The following ARMC9 variants were observed in gnomAD, a reference collection of about 807,000 sequenced individuals.
ARMC9 encodes armadillo repeat containing 9.
In ARMC9, 94 loss-of-function variants were observed where a neutral mutation model predicts 107.0. The observed-to-expected ratio is 0.88, with a 90% confidence interval of 0.74 to 1.04. The LOEUF (loss-of-function observed/expected upper bound fraction) is 1.04. Ranked by LOEUF, ARMC9 falls within the 50% of genes least tolerant of loss-of-function variation. The pLI is 0.00. For missense variants in ARMC9, 942 were observed against 1,030.1 expected (o/e 0.91, Z 1.17); for synonymous variants, 380 against 396.9 (o/e 0.96, Z 0.51).
intron 9 of ARMC9, chr2:231,256,234 A>G (rs1313605002): frequency 3.9e-6 from 6 of 1,536,774 alleles, no homozygotes; most frequent in Non-Finnish European, 4.4e-6. Flanking sequence ...TCCGCAATGT[A>G]AAAGGCCCCG....
intron 14 of ARMC9, among the ~76,000 whole-genome samples, chr2:231,275,036 A>G (rs1037105844): frequency 1.3e-5 from 2 of 152,302 alleles, no homozygotes; most frequent in Admixed American, 1.3e-4. Context: ...GGTGAAAAAA[A>G]TACTTCCTCC....
At chr2:231,199,003 C>T (rs2030247116) in intron 1 of ARMC9, 1 of 152,178 alleles carries the variant, frequency 6.6e-6, no homozygotes, top group Admixed American at 6.5e-5. Flanking sequence ...TCAAGCCATC[C>T]AGCTGGTGGT....
chr2:231,340,256 CAT>C (rs1225201724), intron 20 of ARMC9, among the ~76,000 whole-genome samples: 3 of 152,170 alleles, frequency 2.0e-5, no homozygotes, highest in African/African-American at 4.8e-5. Flanking sequence ...GCTCTGACAA[CAT>C]GTGGTTTTTT....
chr2:231,347,050 A>G (rs7608546), intron 21 of ARMC9, among the ~76,000 whole-genome samples: 12,321 of 152,220 alleles, frequency 0.081, 1,475 homozygotes, highest in African/African-American at 0.26. Context: ...TCTAATAAAT[A>G]TGGGGCTAAC....
At chr2:231,310,471 C>A (rs1009572024) in intron 19 of ARMC9, among the ~76,000 whole-genome samples, 2 of 149,606 alleles carry the variant, frequency 1.3e-5, no homozygotes, top group African/African-American at 4.9e-5. Context: ...TGGCTCACGC[C>A]TGTAATCCCA....
intron 19 of ARMC9, among the ~76,000 whole-genome samples, chr2:231,299,214 C>A (rs1232277178): frequency 6.6e-6 from 1 of 152,034 alleles, no homozygotes; most frequent in Admixed American, 6.6e-5. Flanking sequence ...AGAAATGCAT[C>A]TTCTGATTTA....
chr2:231,308,496 G>A (rs1575029811), intron 19 of ARMC9, among the ~76,000 whole-genome samples: 1 of 152,130 alleles, frequency 6.6e-6, no homozygotes, highest in East Asian at 1.9e-4. Flanking sequence ...GAACTCAGGA[G>A]GCATGACATG....
chr2:231,313,604 G>A (rs1399502169), intron 19 of ARMC9, among the ~76,000 whole-genome samples: 1 of 152,036 alleles, frequency 6.6e-6, no homozygotes, highest in Non-Finnish European at 1.5e-5. Flanking sequence ...TCATCACCCT[G>A]CAAAGCTCCC....
At chr2:231,256,658 C>T in intron 10 of ARMC9, 38 bp downstream of exon 10, 1 of 1,597,080 alleles carries the variant, frequency 6.3e-7, no homozygotes, top group Non-Finnish European at 8.6e-7. Context: ...TTAAGGAGAA[C>T]AGCAATGTGT....
At chr2:231,361,103 G>T (rs981108685) in intron 23 of ARMC9, among the ~76,000 whole-genome samples, 1 of 152,206 alleles carries the variant, frequency 6.6e-6, no homozygotes, top group African/African-American at 2.4e-5. Flanking sequence ...CAGTCAGACG[G>T]GAAGGACACA....
At chr2:231,321,589 G>A (rs1268119091) in intron 19 of ARMC9, among the ~76,000 whole-genome samples, 1 of 152,196 alleles carries the variant, frequency 6.6e-6, no homozygotes, top group Non-Finnish European at 1.5e-5. Context: ...CAGTCCTGGA[G>A]TGGTGGTTTC....
intron 6 of ARMC9, among the ~76,000 whole-genome samples, chr2:231,223,052 C>T (rs935206911): frequency 1.3e-5 from 2 of 152,112 alleles, no homozygotes; most frequent in South Asian, 2.1e-4. Flanking sequence ...TTTGATGTCA[C>T]GTGGCTAGAA....
chr2:231,344,737 G>A (rs1337130955), intron 20 of ARMC9, among the ~76,000 whole-genome samples: 1 of 152,004 alleles, frequency 6.6e-6, no homozygotes, highest in African/African-American at 2.4e-5. Context: ...CTTTTCCTAG[G>A]GTTTGACTTT....
Position 231,355,880 on chromosome 2 carries a change from G to T in ARMC9, c.2077G>T (p.Ala693Ser). 1 of 1,536,096 alleles carries T rather than the reference G, an allele frequency of 6.5e-7. No individual in the cohort carries two copies. The highest frequency in any genetic ancestry group is 8.7e-7 in the Non-Finnish European group (1 of 1,146,912). ...HPQALPAAHE[A>S]VYREGKPSTP... is the part of the protein sequence containing the mutation. ...GCAGGCCCTGCCAGCCGCTCACGAGGCTGTCTACAGGGAGGGCAAGCCCAG... is the reference window on the plus strand; with the variant it reads ...GCAGGCCCTGCCAGCCGCTCACGAGTCTGTCTACAGGGAGGGCAAGCCCAG... The change falls in exon 22 of 25, where the codon GCT (alanine) becomes TCT (serine). Residue 693 changes from alanine (A) to serine (S), a missense_variant. Ala to Ser is a moderately conservative substitution (Grantham distance 99, BLOSUM62 1). Coordinates refer to ENST00000611582, the MANE Select transcript of ARMC9 (RefSeq NM_001352754.2).
chr2:231,333,942 C>T (rs1041961223), intron 20 of ARMC9, among the ~76,000 whole-genome samples: 1 of 152,222 alleles, frequency 6.6e-6, no homozygotes, highest in Non-Finnish European at 1.5e-5. Flanking sequence ...AACAAAAAAG[C>T]AAGGTGCAGA....
At chr2:231,333,049 G>A (rs2043849983) in intron 20 of ARMC9, among the ~76,000 whole-genome samples, 1 of 152,192 alleles carries the variant, frequency 6.6e-6, no homozygotes, top group African/African-American at 2.4e-5. Context: ...TGCCTGCCAG[G>A]TCCCGTTGCC....
rs758332574 is a variant in ARMC9 at position 231,206,237 on chromosome 2, A to G, written c.-2A>G. 5 of 1,613,572 alleles carry G rather than the reference A, an allele frequency of 3.1e-6. No individual in the cohort carries two copies. In the South Asian group the frequency reaches 3.3e-5, roughly 11 times the overall value. ...AGAATTAATTACCAGTAACAGTTCA[A>G]TATGGGGGACATTCTGGCTCATGAA... is the stretch of plus-strand genomic sequence containing the variant. On this transcript the variant is annotated 5_prime_UTR_variant, in exon 2 of 25. Coordinates refer to ENST00000611582, the MANE Select transcript of ARMC9 (RefSeq NM_001352754.2).
At chr2:231,264,728 C>T (rs1036130041) in intron 12 of ARMC9, among the ~76,000 whole-genome samples, 1 of 151,732 alleles carries the variant, frequency 6.6e-6, no homozygotes, top group Admixed American at 6.6e-5. Flanking sequence ...AACTCCTGAC[C>T]TCGGGTGATC....
rs746399394 is a variant in ARMC9 at position 231,331,759 on chromosome 2, GT to G, written c.1774-33del. On this transcript the variant is annotated intron_variant, in intron 19 of 24. Coordinates refer to ENST00000611582, the MANE Select transcript of ARMC9 (RefSeq NM_001352754.2). ...ACGCCTTGGGAGCTTGTGTCAGGGT[GT>G]CCATGGCATTCACCCCATGTCTCCT... 1.9e-6 allele frequency: 3 copies of G among 1,581,054 alleles called. No homozygotes were observed. In the South Asian group the frequency reaches 3.3e-5, roughly 18 times the overall value.
Sources: gnomAD v4.1 joint callset for allele counts (sites outside exome capture counted in the v4.1 genomes callset) on GRCh38, gnomAD v4.1.1 for gene constraint, MANE v1.5 for transcripts, NCBI Gene and HGNC (gene_info 2026-07-23, HGNC 2026-07-21) for gene names.